The following NOS1AP variants were observed in gnomAD, a reference collection of about 807,000 sequenced individuals.
NOS1AP encodes nitric oxide synthase 1 adaptor protein.
Under a neutral mutation model 56.2 loss-of-function variants are expected in NOS1AP, and 21 were observed. That is an observed-to-expected ratio of 0.37 (90% CI 0.26 to 0.54). NOS1AP has a LOEUF of 0.54. Among genes scored for constraint, NOS1AP ranks in the 20% least tolerant of loss-of-function variants. NOS1AP has a pLI of 0.84. For missense variants in NOS1AP, 522 were observed against 657.8 expected (o/e 0.79, Z 2.26); for synonymous variants, 270 against 274.6 (o/e 0.98, Z 0.17).
At chr1:162,291,862 T>C (rs1390386711) in intron 3 of NOS1AP, among the ~76,000 whole-genome samples, 1 of 152,244 alleles carries the variant, frequency 6.6e-6, no homozygotes, top group Non-Finnish European at 1.5e-5. Context: ...TAATTATCTT[T>C]TCCATGTATA....
chr1:162,260,167 C>T (rs540578769), intron 2 of NOS1AP, among the ~76,000 whole-genome samples: 3 of 151,986 alleles, frequency 2.0e-5, no homozygotes, highest in Non-Finnish European at 4.4e-5. Context: ...TTGTCAGAAA[C>T]TTGAAATATA....
intron 2 of NOS1AP, among the ~76,000 whole-genome samples, chr1:162,274,123 G>A (rs191358141): frequency 3.3e-5 from 5 of 152,260 alleles, no homozygotes; most frequent in African/African-American, 7.2e-5. Flanking sequence ...TATGTTTAAC[G>A]TTCTAAGAGA....
chr1:162,212,587 G>A (rs1652389799), intron 2 of NOS1AP, among the ~76,000 whole-genome samples: 2 of 152,156 alleles, frequency 1.3e-5, no homozygotes, highest in Admixed American at 1.3e-4. Context: ...GTTGGTGGTG[G>A]TAGTGGAAGA....
chr1:162,355,768 G>A (rs992388574), intron 7 of NOS1AP, among the ~76,000 whole-genome samples: 15 of 152,122 alleles, frequency 9.9e-5, no homozygotes, highest in Admixed American at 2.0e-4. Context: ...GTGGTATACC[G>A]TTGGTAATTC....
chr1:162,155,233 T>C (rs1292447227), intron 2 of NOS1AP, among the ~76,000 whole-genome samples: 18 of 17,622 alleles, frequency 1.0e-3, no homozygotes, highest in African/African-American at 1.2e-3. Context: ...TACATATATA[T>C]ATACATATAC....
intron 4 of NOS1AP, among the ~76,000 whole-genome samples, chr1:162,330,937 C>A (rs1437878380): frequency 1.3e-5 from 2 of 152,120 alleles, no homozygotes; most frequent in Non-Finnish European, 2.9e-5. Context: ...GAGAATGACA[C>A]CTGGGTTTCT....
intron 1 of NOS1AP, among the ~76,000 whole-genome samples, chr1:162,124,935 T>C (rs1403214608): frequency 6.6e-6 from 1 of 152,198 alleles, no homozygotes; most frequent in Non-Finnish European, 1.5e-5. Flanking sequence ...AGGTGTCTTT[T>C]TGATGTAGTG....
intron 1 of NOS1AP, among the ~76,000 whole-genome samples, chr1:162,082,859 G>A (rs1409503078): frequency 6.6e-6 from 1 of 152,096 alleles, no homozygotes; most frequent in Non-Finnish European, 1.5e-5. Context: ...CACGCACAAT[G>A]GAAAAGCTCC....
Position 162,357,106 on chromosome 1 carries a change from G to C in NOS1AP, c.909G>C (p.Gln303His). 1 of 1,609,644 alleles carries C rather than the reference G, an allele frequency of 6.2e-7. No homozygotes were observed. Among genetic ancestry groups the C allele is most frequent in the Non-Finnish European group, 8.5e-7 (1 of 1,179,890 alleles). The change falls in exon 8 of 10, where the codon CAG becomes CAC. Residue 303 changes from glutamine (Q) to histidine (H), a missense_variant. Physicochemically the swap from Gln to His is conservative, Grantham distance 24. Transcript: ENST00000361897. ...MQLLQQLLQQ[Q>H]QQQTQVAVAQ... Reference sequence around the variant, plus strand: ...TCCTCCAGCAGCTCCTCCAGCAGCAGCAGCAGCAGACACAAGTGGCTGTGG... The same window carrying C: ...TCCTCCAGCAGCTCCTCCAGCAGCACCAGCAGCAGACACAAGTGGCTGTGG...
At chr1:162,238,866 A>G (rs1653390388) in intron 2 of NOS1AP, among the ~76,000 whole-genome samples, 1 of 152,266 alleles carries the variant, frequency 6.6e-6, no homozygotes, top group African/African-American at 2.4e-5. Context: ...TCCTGCACCC[A>G]TGTTACTCAG....
intron 3 of NOS1AP, among the ~76,000 whole-genome samples, chr1:162,289,204 C>CTTCCT (rs1310088349): frequency 1.7e-5 from 2 of 121,212 alleles, no homozygotes; most frequent in South Asian, 3.0e-4. Flanking sequence ...TCCTTCCTTC[C>CTTCCT]TTCCTTTCCT....
At chr1:162,201,797 G>C (rs1652001438) in intron 2 of NOS1AP, among the ~76,000 whole-genome samples, 1 of 152,106 alleles carries the variant, frequency 6.6e-6, no homozygotes, top group Non-Finnish European at 1.5e-5. Context: ...TAATTGGGCT[G>C]TTTGTTTTTT....
chr1:162,168,663 C>G (rs1185425120), intron 2 of NOS1AP, among the ~76,000 whole-genome samples: 1 of 148,060 alleles, frequency 6.8e-6, no homozygotes, highest in Non-Finnish European at 1.5e-5. Flanking sequence ...TTCCTTCTCC[C>G]CTTTTCTTCC....
intron 2 of NOS1AP, among the ~76,000 whole-genome samples, chr1:162,199,624 G>GTGTC: frequency 7.1e-6 from 1 of 141,364 alleles, no homozygotes; most frequent in East Asian, 2.0e-4. Context: ...GTGTGTGTGT[G>GTGTC]TGTGTGTGTG....
chr1:162,229,798 G>A (rs1557840915), intron 2 of NOS1AP, among the ~76,000 whole-genome samples: 2 of 152,148 alleles, frequency 1.3e-5, no homozygotes, highest in Non-Finnish European at 2.9e-5. Context: ...TCTGTTTTTA[G>A]GGAACTGAAA....
At chr1:162,227,437 G>A (rs1652982015) in intron 2 of NOS1AP, among the ~76,000 whole-genome samples, 1 of 152,196 alleles carries the variant, frequency 6.6e-6, no homozygotes, top group Non-Finnish European at 1.5e-5. Context: ...TGATGGCCCA[G>A]ACTTTAAGAT....
chr1:162,341,025 T>G (rs1409015477), intron 5 of NOS1AP, among the ~76,000 whole-genome samples: 1 of 152,184 alleles, frequency 6.6e-6, no homozygotes, highest in Non-Finnish European at 1.5e-5. Context: ...CATCTTGTGA[T>G]GCCTGAGAAA....
intron 4 of NOS1AP, among the ~76,000 whole-genome samples, chr1:162,318,210 G>A (rs1656292717): frequency 1.3e-5 from 2 of 152,118 alleles, no homozygotes; most frequent in South Asian, 4.1e-4. Flanking sequence ...CTTAGGTTTT[G>A]CCATCCTAAA....
Position 162,369,349 on chromosome 1 carries a change from GT to G in NOS1AP, c.*1883del, listed in dbSNP as rs1647299847. 6.6e-6 allele frequency: 1 copy of G among 152,202 alleles called. No individual in the cohort carries two copies. Among genetic ancestry groups the G allele is most frequent in the South Asian group, 2.1e-4 (1 of 4,820 alleles). 9.4% of individuals were successfully genotyped at this position (152,202 alleles called of 1,614,324 possible). On this transcript the variant is annotated 3_prime_UTR_variant, in exon 10 of 10. Coordinates refer to ENST00000361897, the MANE Select transcript of NOS1AP (RefSeq NM_014697.3). ...GATCCATGAAACTAAATGAGCAGCTGTCAGAATCCAGTGTGGCTGAGCCTAC... is the reference window on the plus strand; with the variant it reads ...GATCCATGAAACTAAATGAGCAGCTGCAGAATCCAGTGTGGCTGAGCCTAC...
Sources: allele counts gnomAD v4.1 joint callset (sites outside exome capture counted in the v4.1 genomes callset), GRCh38; gene constraint gnomAD v4.1.1; transcripts MANE v1.5; gene names NCBI Gene and HGNC (gene_info 2026-07-23, HGNC 2026-07-21).